Variants in INTS3 observed in about 807,000 individuals in gnomAD.
The protein encoded by INTS3 is integrator complex subunit 3, also known as SOSS complex subunit A.
In INTS3, 34 loss-of-function variants were observed where a neutral mutation model predicts 146.3. The observed-to-expected ratio is 0.23, with a 90% CI of 0.18 to 0.31. The LOEUF (loss-of-function observed/expected upper bound fraction) is 0.31, where lower values mean the gene tolerates loss of function less well. INTS3 is among the 10% of genes least tolerant of loss of function. The pLI, the probability that INTS3 is intolerant of heterozygous loss-of-function variation, is 1.00. For synonymous variants in INTS3, 475 were observed against 494.9 expected (o/e 0.96, Z 0.53); for missense variants, 757 against 1,304.2 (o/e 0.58, Z 6.46).
intron 14 of INTS3, among the ~76,000 whole-genome samples, chr1:153,761,920 A>G (rs1337110716): frequency 1.3e-5 from 2 of 152,168 alleles, no homozygotes; most frequent in African/African-American, 4.8e-5. Flanking sequence ...CTTTTCTCCT[A>G]GTAACTCCTG....
chr1:153,748,851 A>G, intron 6 of INTS3, 96 bp downstream of exon 6: 1 of 1,002,378 alleles, frequency 1.0e-6, no homozygotes, highest in East Asian at 2.4e-5. Context: ...GTGGCCCAAG[A>G]ACACCTTAAG....
rs998032262 is a variant in INTS3 at position 153,728,541 on chromosome 1, C to T, written c.-94C>T. On this transcript the variant is annotated 5_prime_UTR_variant, in exon 1 of 30. Coordinates refer to ENST00000318967, the MANE Select transcript of INTS3 (RefSeq NM_023015.5). Reference sequence around the variant, plus strand: ...GCTCTCCCCTCCCCAACTTGTTCCTCTTGCCCCCCAGTCCCTGGCAATCCA... The same window carrying T: ...GCTCTCCCCTCCCCAACTTGTTCCTTTTGCCCCCCAGTCCCTGGCAATCCA... 2 of 1,452,584 alleles carry T rather than the reference C, an allele frequency of 1.4e-6. No homozygotes were observed. The highest frequency in any genetic ancestry group is 1.8e-6 in the Non-Finnish European group (2 of 1,089,568). 90.0% of individuals were successfully genotyped at this position (1,452,584 alleles called of 1,614,324 possible). A position where few individuals can be genotyped will look rare whatever the true frequency, so the allele number is the denominator to read the frequency against.
In INTS3 at chr1:153,773,576, T is replaced by A; in HGVS notation, c.*306T>A. 1 of 470,374 alleles carries A rather than the reference T, an allele frequency of 2.1e-6. No individual in the cohort carries two copies. The highest frequency in any genetic ancestry group is 3.9e-6 in the Non-Finnish European group (1 of 253,876). 29.1% of individuals were successfully genotyped at this position (470,374 alleles called of 1,614,324 possible). A position where few individuals can be genotyped will look rare whatever the true frequency, so the allele number is the denominator to read the frequency against. On this transcript the variant is annotated 3_prime_UTR_variant, in exon 30 of 30. Coordinates refer to ENST00000318967, the MANE Select transcript of INTS3 (RefSeq NM_023015.5). ...TGGAAGTCCTCAGCCCCCTGGCCCCTTCCGCAATCTCCTCCCCCAGTCTCC... is the reference window on the plus strand; with the variant it reads ...TGGAAGTCCTCAGCCCCCTGGCCCCATCCGCAATCTCCTCCCCCAGTCTCC...
chr1:153,755,539 C>T (rs879266073), intron 9 of INTS3, among the ~76,000 whole-genome samples: 6 of 152,140 alleles, frequency 3.9e-5, no homozygotes, highest in East Asian at 3.9e-4. Context: ...GGATTACAGG[C>T]GTGAGCCACT....
intron 16 of INTS3, 79 bp downstream of exon 16, chr1:153,763,441 G>C: frequency 6.6e-7 from 1 of 1,507,968 alleles, no homozygotes; most frequent in Non-Finnish European, 9.2e-7. Flanking sequence ...TATAGCAGGA[G>C]ATGGGGGTTG....
In INTS3 at chr1:153,728,576, A is replaced by G; in HGVS notation, c.-59A>G. 6 of 1,513,182 alleles carry G rather than the reference A, an allele frequency of 4.0e-6. No homozygotes were observed. The highest frequency in any genetic ancestry group is 1.3e-5 in the South Asian group (1 of 79,284). 93.7% of individuals were successfully genotyped at this position (1,513,182 alleles called of 1,614,324 possible). A position where few individuals can be genotyped will look rare whatever the true frequency, so the allele number is the denominator to read the frequency against. On this transcript the variant is annotated 5_prime_UTR_variant, in exon 1 of 30. Transcript: ENST00000318967. ...AGTCCCTGGCAATCCAGAGATCCCG[A>G]TATCTAGGACTGTCCATCCATCCAC...
intron 1 of INTS3, among the ~76,000 whole-genome samples, chr1:153,737,646 G>A (rs1272136179): frequency 6.6e-6 from 1 of 152,092 alleles, no homozygotes; most frequent in Non-Finnish European, 1.5e-5. Flanking sequence ...CTACAGGTGC[G>A]CGCCACCACA....
At chr1:153,760,703 T>C (rs1160764187) in intron 12 of INTS3, 124 bp from the exon 13 acceptor site, 1 of 797,476 alleles carries the variant, frequency 1.3e-6, no homozygotes, top group African/African-American at 1.7e-5. Context: ...GAAGTCCAGT[T>C]CTCTCTGCAG....
At chr1:153,744,033 A>ATGTGTGTGTGTGTG (rs1385828293) in intron 3 of INTS3, among the ~76,000 whole-genome samples, 3 of 102,282 alleles carry the variant, frequency 2.9e-5, no homozygotes, top group African/African-American at 1.2e-4. Context: ...GAGGGTGTGC[A>ATGTGTGTGTGTGTG]TGTGCGTGTG....
chr1:153,733,633 A>G (rs1671174525), intron 1 of INTS3, among the ~76,000 whole-genome samples: 1 of 150,902 alleles, frequency 6.6e-6, no homozygotes, highest in Admixed American at 6.6e-5. Flanking sequence ...GGGGAGATGG[A>G]TTCTCGCTCC....
chr1:153,762,224 G>A (rs557289833), intron 14 of INTS3, among the ~76,000 whole-genome samples: 3 of 152,304 alleles, frequency 2.0e-5, no homozygotes, highest in Non-Finnish European at 2.9e-5. Flanking sequence ...TGAGGCGGGT[G>A]GATCACTTGA....
rs562066657 is a variant in INTS3 at position 153,755,827 on chromosome 1, T to TC, written c.957+1089dup. On this transcript the variant is annotated intron_variant, in intron 9 of 29. Coordinates refer to ENST00000318967, the MANE Select transcript of INTS3 (RefSeq NM_023015.5). ...GCCAAGGTGGGCAGATCACTTGAGA[T>TC]CAGGAGTTTGGGACCACCCTGGCCA... 8.6e-5 allele frequency among the ~76,000 whole-genome samples: 13 copies of TC among 151,792 alleles called. No individual in the cohort carries two copies. In the East Asian group the frequency reaches 2.4e-3, roughly 28 times the overall value.
intron 20 of INTS3, chr1:153,767,346 G>T (rs1443902565): frequency 3.8e-6 from 1 of 262,664 alleles, no homozygotes; most frequent in South Asian, 1.4e-4. Flanking sequence ...CTCATGGTTA[G>T]AGCCCAGAAA....
intron 23 of INTS3, 116 bp downstream of exon 23, chr1:153,769,960 A>G: frequency 1.3e-6 from 1 of 787,978 alleles, no homozygotes; most frequent in Non-Finnish European, 2.2e-6. Flanking sequence ...AGGGGAGAGA[A>G]TTGTACTCCA....
Position 153,772,070 on chromosome 1 carries a change from C to A in INTS3, c.2720+107C>A, listed in dbSNP as rs978918950. 12 of 1,257,648 alleles carry A rather than the reference C, an allele frequency of 9.5e-6. No individual in the cohort carries two copies. The highest frequency in any genetic ancestry group is 1.2e-5 in the Non-Finnish European group (11 of 915,806). 77.9% of individuals were successfully genotyped at this position (1,257,648 alleles called of 1,614,324 possible). A position where few individuals can be genotyped will look rare whatever the true frequency, so the allele number is the denominator to read the frequency against. On this transcript the variant is annotated intron_variant, in intron 26 of 29. Transcript: ENST00000318967. This position sits in a 1 kb window ranked among gnomAD's most constrained non-coding sequence, Gnocchi z 4.6. The stretch of plus-strand genomic sequence containing the variant: ...GGTGGTGATGGGGGTCAGTGCTGTC[C>A]CAGCCTGGTTTGTGGGCGACATCTA...
rs767206268 is a variant in INTS3, at chr1:153,728,793, G to A, written c.150+9G>A. 8 of 1,590,744 alleles carry A rather than the reference G, an allele frequency of 5.0e-6. No homozygotes were observed. In the African/African-American group the frequency reaches 8.3e-5, roughly 16 times the overall value. ...AGGATGAGTTAGAGGAGGTAGGTGT[G>A]GGGGGAGGGAAGGGAGTTAAGAAAT... On this transcript the variant is annotated intron_variant, in intron 1 of 29. Coordinates refer to ENST00000318967, the MANE Select transcript of INTS3 (RefSeq NM_023015.5).
intron 8 of INTS3, among the ~76,000 whole-genome samples, chr1:153,754,058 C>G (rs1341956568): frequency 6.6e-6 from 1 of 151,658 alleles, no homozygotes; most frequent in African/African-American, 2.4e-5. Flanking sequence ...GCCTCGGCCT[C>G]CCAAGGTGCT....
At chr1:153,766,870 T>C (rs896347510) in intron 20 of INTS3, 5 of 151,248 alleles carry the variant, frequency 3.3e-5, no homozygotes, top group African/African-American at 1.2e-4. Context: ...TTTGTGTGTG[T>C]ATTTTTAGTA....
chr1:153,769,065 C>T, intron 22 of INTS3, 104 bp downstream of exon 22: 5 of 891,580 alleles, frequency 5.6e-6, no homozygotes, highest in Non-Finnish European at 7.3e-6. Flanking sequence ...CCCATGCCTC[C>T]CAGGCACCCT....
Sources: gnomAD v4.1 joint callset for allele counts (sites outside exome capture counted in the v4.1 genomes callset) on GRCh38, gnomAD v4.1.1 for gene constraint, Gnocchi (gnomAD v3.1) non-coding constraint, MANE v1.5 for transcripts, NCBI Gene and HGNC (gene_info 2026-07-23, HGNC 2026-07-21) for gene names.